Variants in CSMD1 observed in about 807,000 individuals in gnomAD.
CSMD1 encodes CUB and Sushi multiple domains 1.
Under a neutral mutation model 417.5 loss-of-function variants are expected in CSMD1, and 213 were observed. The ratio of observed to expected loss-of-function variants is 0.51; its 90% CI spans 0.46 to 0.57. The LOEUF is 0.57. Ranked by LOEUF, CSMD1 falls within the 20% of genes least tolerant of loss-of-function variation. The pLI is 0.00. For synonymous variants in CSMD1, 2,862 were observed against 1,736.8 expected (o/e 1.65, Z -16.11); for missense variants, 6,923 against 4,529.7 (o/e 1.53, Z -15.17).
intron 7 of CSMD1, among the ~76,000 whole-genome samples, chr8:3,645,908 T>A (rs903041133): frequency 6.6e-6 from 1 of 152,208 alleles, no homozygotes; most frequent in Non-Finnish European, 1.5e-5. Flanking sequence ...ATTTTCTAAA[T>A]GTTTCCCCTT....
intron 26 of CSMD1, among the ~76,000 whole-genome samples, chr8:3,254,471 T>C (rs952913266): frequency 6.6e-5 from 10 of 152,314 alleles, no homozygotes; most frequent in Admixed American, 5.9e-4. Flanking sequence ...GCAGAGTGTT[T>C]TCCAACTTGG....
intron 2 of CSMD1, among the ~76,000 whole-genome samples, chr8:4,626,691 G>C (rs908722018): frequency 2.6e-5 from 4 of 152,030 alleles, no homozygotes; most frequent in Non-Finnish European, 5.9e-5. Flanking sequence ...TCCACCTCTT[G>C]CAAAGACGTC....
At chr8:3,996,395 T>C (rs1815219955) in intron 5 of CSMD1, among the ~76,000 whole-genome samples, 1 of 152,180 alleles carries the variant, frequency 6.6e-6, no homozygotes, top group South Asian at 2.1e-4. Flanking sequence ...CTTTAAATGA[T>C]TAGTAGAGCA....
intron 7 of CSMD1, among the ~76,000 whole-genome samples, chr8:3,699,462 G>C (rs977624305): frequency 6.6e-6 from 1 of 152,182 alleles, no homozygotes; most frequent in Non-Finnish European, 1.5e-5. Flanking sequence ...AGACATTTCA[G>C]CCACGGAGGA....
At chr8:4,082,652 T>A (rs2552147) in intron 3 of CSMD1, among the ~76,000 whole-genome samples, 1 of 152,062 alleles carries the variant, frequency 6.6e-6, no homozygotes, top group African/African-American at 2.4e-5. Context: ...TTAGGGTACA[T>A]GTGCACAATG....
intron 3 of CSMD1, among the ~76,000 whole-genome samples, chr8:4,308,439 A>G (rs1203308804): frequency 1.3e-5 from 2 of 152,058 alleles, no homozygotes; most frequent in African/African-American, 2.4e-5. Context: ...GATGATGGGA[A>G]AAAAGGTTTA....
chr8:3,365,519 T>C (rs1809501778), intron 20 of CSMD1, among the ~76,000 whole-genome samples: 2 of 152,234 alleles, frequency 1.3e-5, no homozygotes, highest in South Asian at 2.1e-4. Flanking sequence ...TATACATGAA[T>C]TGTTTTCAAT....
intron 46 of CSMD1, among the ~76,000 whole-genome samples, chr8:3,105,269 G>A (rs929435033): frequency 1.1e-4 from 16 of 152,142 alleles, no homozygotes; most frequent in Admixed American, 6.6e-5. Context: ...CTGGCTCCGG[G>A]TCCTGTCTTC....
chr8:3,068,934 T>G (rs1472014752), intron 49 of CSMD1, among the ~76,000 whole-genome samples: 2 of 152,090 alleles, frequency 1.3e-5, no homozygotes, highest in East Asian at 3.9e-4. Flanking sequence ...CTTCTCATAT[T>G]GCAAAATAAA....
At chr8:4,541,409 C>G (rs1008859513) in intron 2 of CSMD1, among the ~76,000 whole-genome samples, 4 of 152,180 alleles carry the variant, frequency 2.6e-5, no homozygotes, top group Non-Finnish European at 5.9e-5. Context: ...ACTGCCTTCA[C>G]CTTTGCACTT....
In CSMD1 at chr8:4,607,754, T is replaced by C. The variant is rs533890935; in HGVS notation, c.302+29588A>G. Among the ~76,000 whole-genome samples, 53 of 152,332 alleles carry C rather than the reference T, an allele frequency of 3.5e-4. No homozygotes were observed. The South Asian group carries it at 0.011, about 30-fold the overall frequency. ...AGTAAACGTAGCAGCCTCAAACCGCTTGAGAGTGACTCTCTCTTGAGTAAA... is the reference window on the plus strand; with the variant it reads ...AGTAAACGTAGCAGCCTCAAACCGCCTGAGAGTGACTCTCTCTTGAGTAAA... On this transcript the variant is annotated intron_variant, in intron 2 of 69. Transcript: ENST00000635120.
At chr8:3,499,334 G>A (rs191908925) in intron 10 of CSMD1, among the ~76,000 whole-genome samples, 71 of 152,258 alleles carry the variant, frequency 4.7e-4, no homozygotes, top group Admixed American at 1.2e-3. Context: ...CAGCTCTAAT[G>A]CAGATGGAGA....
At chr8:4,558,776 G>C (rs770482037) in intron 2 of CSMD1, among the ~76,000 whole-genome samples, 49 of 152,286 alleles carry the variant, frequency 3.2e-4, no homozygotes, top group Admixed American at 8.5e-4. Context: ...GCTGAGGCAG[G>C]AGAATTGCTT....
rs1480912795 is a variant in CSMD1 at position 4,637,337 on chromosome 8, C to G, written c.302+5G>C. The G allele has an allele frequency of 2.5e-6, 4 of 1,603,338 alleles. No individual in the cohort carries two copies. Among genetic ancestry groups the G allele is most frequent in the African/African-American group, 2.7e-5 (2 of 74,724 alleles). On this transcript the variant is annotated splice_donor_5th_base_variant and intron_variant, in intron 2 of 69. Transcript: ENST00000635120. ...TAACTGTAATATAAAAAGTTGATACCTTACCTCACTTTTAAATTCCCTTGT... is the reference window on the plus strand; with the variant it reads ...TAACTGTAATATAAAAAGTTGATACGTTACCTCACTTTTAAATTCCCTTGT...
chr8:3,461,047 C>T (rs1032371129), intron 12 of CSMD1, among the ~76,000 whole-genome samples: 1 of 152,164 alleles, frequency 6.6e-6, no homozygotes, highest in African/African-American at 2.4e-5. Context: ...ATTTACAGCA[C>T]ATGAGTTCAT....
intron 1 of CSMD1, among the ~76,000 whole-genome samples, chr8:4,829,844 G>C (rs187349968): frequency 6.6e-6 from 1 of 152,132 alleles, no homozygotes; most frequent in Admixed American, 6.6e-5. Flanking sequence ...CTTTACCTTG[G>C]GGACAAGGGG....
chr8:4,780,021 G>A (rs1426109144), intron 1 of CSMD1, among the ~76,000 whole-genome samples: 1 of 151,880 alleles, frequency 6.6e-6, no homozygotes, highest in Non-Finnish European at 1.5e-5. Context: ...CACAAACAAT[G>A]GAAGCAACAA....
intron 8 of CSMD1, among the ~76,000 whole-genome samples, chr8:3,600,591 A>G (rs1801315559): frequency 6.6e-6 from 1 of 152,176 alleles, no homozygotes; most frequent in East Asian, 1.9e-4. Context: ...TATATTCTCT[A>G]CGATGGCAAG....
chr8:3,238,112 T>G (rs1585748905), intron 26 of CSMD1, among the ~76,000 whole-genome samples: 1 of 151,004 alleles, frequency 6.6e-6, no homozygotes, highest in Non-Finnish European at 1.5e-5. Flanking sequence ...GAGATACGGG[T>G]GGGGCCGTTT....
Sources: allele counts gnomAD v4.1 joint callset (sites outside exome capture counted in the v4.1 genomes callset), GRCh38; gene constraint gnomAD v4.1.1; transcripts MANE v1.5; gene names NCBI Gene and HGNC (gene_info 2026-07-23, HGNC 2026-07-21).